The following PLEKHA7 variants were observed in gnomAD, a reference collection of about 807,000 sequenced individuals.
PLEKHA7 encodes pleckstrin homology domain containing A7.
In PLEKHA7, 104 loss-of-function variants were observed where a neutral mutation model predicts 170.0. That is an observed-to-expected ratio of 0.61 (90% CI 0.52 to 0.72). The LOEUF is 0.72. Among genes scored for constraint, PLEKHA7 ranks in the 30% least tolerant of loss-of-function variants. The probability of loss-of-function intolerance (pLI) is 0.00; values close to 1 mark genes in which losing one functional copy is unlikely to be tolerated. For synonymous variants in PLEKHA7, 648 were observed against 660.8 expected (o/e 0.98, Z 0.30); for missense variants, 1,615 against 1,671.7 (o/e 0.97, Z 0.59).
chr11:16,792,642 T>G (rs1220557797), intron 19 of PLEKHA7, among the ~76,000 whole-genome samples: 1 of 152,206 alleles, frequency 6.6e-6, no homozygotes, highest in East Asian at 1.9e-4. Flanking sequence ...GGCTTCTGGT[T>G]GCTGGCAGTG....
intron 8 of PLEKHA7, among the ~76,000 whole-genome samples, chr11:16,848,101 G>C (rs2135377497): frequency 6.6e-6 from 1 of 152,310 alleles, no homozygotes; most frequent in Non-Finnish European, 1.5e-5. Flanking sequence ...AGTGGCAGCA[G>C]AAGTGGAGAG....
At chr11:16,868,037 T>C (rs1221901428) in intron 4 of PLEKHA7, among the ~76,000 whole-genome samples, 1 of 125,428 alleles carries the variant, frequency 8.0e-6, no homozygotes, top group Non-Finnish European at 1.8e-5. Flanking sequence ...TCCCCCATGC[T>C]CTACCCTCCT....
chr11:16,797,188 G>T (rs1184065764), intron 17 of PLEKHA7, among the ~76,000 whole-genome samples: 1 of 152,222 alleles, frequency 6.6e-6, no homozygotes, highest in East Asian at 1.9e-4. Context: ...AGAGGGGTCT[G>T]ATGGGGTTAA....
At chr11:16,851,042 T>C (rs1852900155) in intron 8 of PLEKHA7, 149 bp downstream of exon 8, 1 of 551,392 alleles carries the variant, frequency 1.8e-6, no homozygotes, top group East Asian at 3.2e-5. Flanking sequence ...GATATTATTC[T>C]TGTTTAAATA....
At chr11:16,948,199 C>T (rs868267383) in intron 3 of PLEKHA7, among the ~76,000 whole-genome samples, 1 of 152,050 alleles carries the variant, frequency 6.6e-6, no homozygotes, top group Admixed American at 6.5e-5. Flanking sequence ...GGAGATGTTG[C>T]TTGAAGGTTA....
intron 3 of PLEKHA7, among the ~76,000 whole-genome samples, chr11:16,949,810 T>C (rs1461096432): frequency 2.0e-5 from 3 of 151,890 alleles, no homozygotes; most frequent in Non-Finnish European, 4.4e-5. Flanking sequence ...ATGGAGATCA[T>C]GAGCTACAGA....
intron 13 of PLEKHA7, chr11:16,803,507 A>C (rs7952072): frequency 0.038 from 21,574 of 562,400 alleles, 542 homozygotes; most frequent in Middle Eastern, 0.079. Flanking sequence ...TGATTCTAGT[A>C]ATGCTGGTAA....
chr11:16,820,553 T>C (rs942918863), intron 10 of PLEKHA7, among the ~76,000 whole-genome samples: 2 of 152,054 alleles, frequency 1.3e-5, no homozygotes, highest in Non-Finnish European at 2.9e-5. Flanking sequence ...ACAGAGGTGG[T>C]AGCGGTGGCA....
chr11:16,926,819 A>G (rs1859583537), intron 3 of PLEKHA7, among the ~76,000 whole-genome samples: 2 of 152,164 alleles, frequency 1.3e-5, no homozygotes, highest in African/African-American at 4.8e-5. Flanking sequence ...CCTAGAAGAG[A>G]GCCTGGCTAT....
chr11:16,857,102 T>C (rs1243254949), intron 4 of PLEKHA7, among the ~76,000 whole-genome samples: 1 of 152,240 alleles, frequency 6.6e-6, no homozygotes, highest in Admixed American at 6.5e-5. Context: ...CATGGAAATA[T>C]ACTGTTTTCT....
intron 3 of PLEKHA7, among the ~76,000 whole-genome samples, chr11:16,997,013 T>G (rs1310963925): frequency 6.6e-6 from 1 of 152,122 alleles, no homozygotes; most frequent in Non-Finnish European, 1.5e-5. Flanking sequence ...GGTCCCAGCC[T>G]GGAGCTACCA....
chr11:16,813,177 AG>A lies in PLEKHA7; in HGVS notation c.1954-12del, dbSNP rs776215612. On this transcript the variant is annotated splice_polypyrimidine_tract_variant and intron_variant, in intron 12 of 26. Transcript: ENST00000531066. ...GTAGGTATCATCAGCCTTCAAATGA[AG>A]CAGAGAGGAAAAAACACAGTTATGA... The A allele has an allele frequency of 2.9e-5, 46 of 1,612,270 alleles. No individual in the cohort carries two copies. The highest frequency in any genetic ancestry group is 3.9e-5 in the Non-Finnish European group (46 of 1,178,490).
chr11:16,947,984 C>T lies in PLEKHA7; in HGVS notation c.221+66005G>A, dbSNP rs368331106. On this transcript the variant is annotated intron_variant, in intron 3 of 26. Transcript: ENST00000531066. ...ACATGCATATATATACATAATGGAA[C>T]ACTAGTCTGCCTTTAAAAAGAAGAA... Among the ~76,000 whole-genome samples the T allele has an allele frequency of 4.0e-5, 6 of 148,796 alleles. 1 individual carries two copies. The East Asian group carries it at 9.9e-4, about 25-fold the overall frequency.
intron 3 of PLEKHA7, among the ~76,000 whole-genome samples, chr11:16,931,585 CA>C (rs1859927796): frequency 6.6e-6 from 1 of 151,328 alleles, no homozygotes; most frequent in Non-Finnish European, 1.5e-5. Context: ...CAAACAAACA[CA>C]ACACAAAACA....
chr11:16,807,240 A>G, intron 13 of PLEKHA7: 1 of 967,176 alleles, frequency 1.0e-6, no homozygotes, highest in Non-Finnish European at 1.2e-6. Context: ...CCAAACAAAA[A>G]GGCAGATACA....
chr11:16,955,657 T>C (rs1293349161), intron 3 of PLEKHA7, among the ~76,000 whole-genome samples: 2 of 152,206 alleles, frequency 1.3e-5, no homozygotes, highest in African/African-American at 4.8e-5. Context: ...TTTTATTGTT[T>C]TTTCCCCTCC....
chr11:16,961,375 A>C (rs1490667146), intron 3 of PLEKHA7, among the ~76,000 whole-genome samples: 1 of 152,224 alleles, frequency 6.6e-6, no homozygotes, highest in African/African-American at 2.4e-5. Flanking sequence ...AGTAAGACTC[A>C]AAGATGGGAA....
At chr11:16,810,313 G>C (rs577661297) in intron 13 of PLEKHA7, among the ~76,000 whole-genome samples, 1 of 152,256 alleles carries the variant, frequency 6.6e-6, no homozygotes, top group South Asian at 2.1e-4. Flanking sequence ...TCTCATCTTG[G>C]AACCCTAAAC....
intron 10 of PLEKHA7, among the ~76,000 whole-genome samples, chr11:16,821,190 A>G (rs1850189520): frequency 6.6e-6 from 1 of 152,176 alleles, no homozygotes; most frequent in Non-Finnish European, 1.5e-5. Context: ...AAATTATTAT[A>G]CTTTACTCAG....
Sources: allele counts gnomAD v4.1 joint callset (sites outside exome capture counted in the v4.1 genomes callset), GRCh38; gene constraint gnomAD v4.1.1; transcripts MANE v1.5; gene names NCBI Gene and HGNC (gene_info 2026-07-23, HGNC 2026-07-21).